Variants in KCNQ4 observed in about 807,000 individuals in gnomAD.
KCNQ4 encodes potassium voltage-gated channel subfamily Q member 4, also known as potassium voltage-gated channel subfamily KQT member 4.
Under a neutral mutation model 72.6 loss-of-function variants are expected in KCNQ4, and 31 were observed. That is an observed-to-expected ratio of 0.43 (90% CI 0.32 to 0.58). KCNQ4 has a LOEUF of 0.58. Among genes scored for constraint, KCNQ4 ranks in the 20% least tolerant of loss-of-function variants. The pLI is 0.08. For synonymous variants in KCNQ4, 405 were observed against 403.7 expected (o/e 1.00, Z -0.04); for missense variants, 869 against 962.6 (o/e 0.90, Z 1.29).
intron 3 of KCNQ4, 105 bp downstream of exon 3, chr1:40,818,395 C>A: frequency 6.4e-7 from 1 of 1,567,384 alleles, no homozygotes; most frequent in Non-Finnish European, 8.7e-7. Flanking sequence ...ACAGATTCAG[C>A]GGACCCTCCC....
At chr1:40,793,004 CTTTTTTTTTTT>C (rs10549805) in intron 1 of KCNQ4, among the ~76,000 whole-genome samples, 18 of 109,076 alleles carry the variant, frequency 1.7e-4, no homozygotes, top group Admixed American at 1.3e-3. Context: ...TTCTTTCTTT[CTTTTTTTTTTT>C]TTTTTTTTTG....
intron 9 of KCNQ4, 134 bp from the exon 10 acceptor site, chr1:40,830,950 C>A (rs1648623169): frequency 5.4e-6 from 4 of 739,386 alleles, no homozygotes; most frequent in Admixed American, 2.0e-5. Flanking sequence ...CTTGTTCCAT[C>A]CCAAGAAGTC....
Position 40,811,725 on chromosome 1 carries a change from C to T in KCNQ4, c.315-5540C>T, listed in dbSNP as rs113412614. Among the ~76,000 whole-genome samples, 83 of 152,322 alleles carry T rather than the reference C, an allele frequency of 5.4e-4. 1 individual carries two copies. The highest frequency in any genetic ancestry group is 3.4e-3 in the Middle Eastern group (1 of 294). ...GCTGGGGAGAGCCAGCCAGGCAACACCCGCCTGTCTCATTCTGCCTCCTGG... is the reference window on the plus strand; with the variant it reads ...GCTGGGGAGAGCCAGCCAGGCAACATCCGCCTGTCTCATTCTGCCTCCTGG... On this transcript the variant is annotated intron_variant, in intron 1 of 13. Coordinates refer to ENST00000347132, the MANE Select transcript of KCNQ4 (RefSeq NM_004700.4).
In KCNQ4 at chr1:40,794,628, G is replaced by A. The variant is rs1451368753; in HGVS notation, c.314+10221G>A. On this transcript the variant is annotated intron_variant, in intron 1 of 13. Coordinates refer to ENST00000347132, the MANE Select transcript of KCNQ4 (RefSeq NM_004700.4). This position sits in a 1 kb window ranked among gnomAD's most constrained non-coding sequence, Gnocchi z 4.2. Reference sequence around the variant, plus strand: ...CTGAGGAGAATAAGGACGGGGTGGCGACTCTTTCATAAAGCTAAATTTATT... The same window carrying A: ...CTGAGGAGAATAAGGACGGGGTGGCAACTCTTTCATAAAGCTAAATTTATT... 6.6e-6 allele frequency among the ~76,000 whole-genome samples: 1 copy of A among 152,170 alleles called. No homozygotes were observed. Among genetic ancestry groups the A allele is most frequent in the Non-Finnish European group, 1.5e-5 (1 of 68,038 alleles).
In KCNQ4 at chr1:40,813,255, G is replaced by A. The variant is rs191984520; in HGVS notation, c.315-4010G>A. 7.2e-5 allele frequency among the ~76,000 whole-genome samples: 11 copies of A among 152,292 alleles called. No homozygotes were observed. In the East Asian group the frequency reaches 9.6e-4, roughly 13 times the overall value. ...GTCCGACGAGAGTTTTGTGGAGAGC[G>A]ATGGTTTCCAGCTGTGCATTGTGGG... On this transcript the variant is annotated intron_variant, in intron 1 of 13. Coordinates refer to ENST00000347132, the MANE Select transcript of KCNQ4 (RefSeq NM_004700.4).
rs191990427 is a variant in KCNQ4 at position 40,829,275 on chromosome 1, C to G, written c.1293-1809C>G. On this transcript the variant is annotated intron_variant, in intron 9 of 13. Transcript: ENST00000347132. ...GAGGGTGCTTGCCAGCATGAGGGAG[C>G]CTGCAGGAATGGCTCTGCAGAGGAA... 1.1e-3 allele frequency among the ~76,000 whole-genome samples: 162 copies of G among 152,252 alleles called. 1 individual carries two copies. The highest frequency in any genetic ancestry group is 5.1e-4 in the Non-Finnish European group (35 of 68,016).
intron 1 of KCNQ4, among the ~76,000 whole-genome samples, chr1:40,801,502 T>A (rs1263404695): frequency 6.6e-6 from 1 of 152,182 alleles, no homozygotes; most frequent in South Asian, 2.1e-4. Context: ...ACTCAACATT[T>A]ATTGAGAACC....
At chr1:40,824,507 T>C (rs964423782) in intron 9 of KCNQ4, among the ~76,000 whole-genome samples, 6 of 152,168 alleles carry the variant, frequency 3.9e-5, no homozygotes, top group Non-Finnish European at 7.4e-5. Context: ...ATGCCATCCT[T>C]TCCCATCATC....
In KCNQ4 at chr1:40,794,361, G is replaced by A. The variant is rs750029191; in HGVS notation, c.314+9954G>A. Among the ~76,000 whole-genome samples the A allele has an allele frequency of 6.6e-6, 1 of 152,218 alleles. No individual in the cohort carries two copies. Among genetic ancestry groups the A allele is most frequent in the Non-Finnish European group, 1.5e-5 (1 of 68,034 alleles). On this transcript the variant is annotated intron_variant, in intron 1 of 13. Transcript: ENST00000347132. This position sits in a 1 kb window ranked among gnomAD's most constrained non-coding sequence, Gnocchi z 4.2. ...TTGACTCTTTCTGAGTGAGTGCTGT[G>A]CAGACGTGAGGTCATCTATTTTTTC...
intron 5 of KCNQ4, 36 bp downstream of exon 5, chr1:40,819,508 T>C (rs1348475772): frequency 6.2e-7 from 1 of 1,611,470 alleles, no homozygotes; most frequent in East Asian, 2.2e-5. Flanking sequence ...CCCTTCTCCC[T>C]GGGATCCTCC....
intron 1 of KCNQ4, among the ~76,000 whole-genome samples, chr1:40,812,691 C>T (rs1158714200): frequency 1.3e-5 from 2 of 152,096 alleles, no homozygotes; most frequent in Non-Finnish European, 2.9e-5. Context: ...GCAGCGTCCG[C>T]CAAATGGAGA....
intron 9 of KCNQ4, among the ~76,000 whole-genome samples, chr1:40,830,471 G>A (rs1446104937): frequency 6.6e-6 from 1 of 152,290 alleles, no homozygotes; most frequent in South Asian, 2.1e-4. Context: ...GTGGGGAGTG[G>A]AGGAAAATAT....
chr1:40,824,074 A>G (rs1648395952), intron 8 of KCNQ4, 23 bp from the exon 9 acceptor site: 1 of 1,549,770 alleles, frequency 6.5e-7, no homozygotes, highest in Non-Finnish European at 8.7e-7. Context: ...CCTGCCTGCC[A>G]CTGATGGTGC....
chr1:40,818,170 G>T lies in KCNQ4; in HGVS notation c.412G>T (p.Val138Leu). 3 of 1,614,020 alleles carry T rather than the reference G, an allele frequency of 1.9e-6. No homozygotes were observed. The highest frequency in any genetic ancestry group is 2.5e-6 in the Non-Finnish European group (3 of 1,180,034). Residue 138 changes from valine to leucine, a missense_variant, in exon 3 of 14, where the codon GTG becomes TTG. Around this residue, in one of 5 missense-constraint regions of KCNQ4, gnomAD observed 179 missense variants for 243.0 expected, o/e 0.74. Coordinates refer to ENST00000347132, the MANE Select transcript of KCNQ4 (RefSeq NM_004700.4). The stretch of plus-strand genomic sequence containing the variant: ...CAGGCCCCTGGTCCCACAGGAATTC[G>T]TGATGATCGTGGTTTTCGGCTTGGA... ...ANECLLILEF[V>L]MIVVFGLEYI...
chr1:40,805,441 C>G (rs1235485069), intron 1 of KCNQ4, among the ~76,000 whole-genome samples: 1 of 152,220 alleles, frequency 6.6e-6, no homozygotes, highest in Non-Finnish European at 1.5e-5. Context: ...CCACTCTCCC[C>G]TTGCTCATTC....
In KCNQ4 at chr1:40,833,107, C is replaced by G; in HGVS notation, c.1607C>G (p.Ser536Cys). ...IMPAVKTVIR[S>C]IRILKFLVAK... Reference sequence around the variant, plus strand: ...CCTGCTGTGAAGACAGTCATCCGCTCCATCAGGTAAGACTGAGGCCTGAGG... The same window carrying G: ...CCTGCTGTGAAGACAGTCATCCGCTGCATCAGGTAAGACTGAGGCCTGAGG... Residue 536 changes from serine (S) to cysteine (C), a missense_variant, in exon 11 of 14, where the codon TCC (serine) becomes TGC (cysteine). Ser to Cys is a moderately radical substitution (Grantham distance 112). Coordinates refer to ENST00000347132, the MANE Select transcript of KCNQ4 (RefSeq NM_004700.4). The G allele has an allele frequency of 1.9e-6, 3 of 1,610,638 alleles. No homozygotes were observed. The highest frequency in any genetic ancestry group is 2.5e-6 in the Non-Finnish European group (3 of 1,179,174).
chr1:40,801,223 TGAG>T (rs1264568479), intron 1 of KCNQ4, among the ~76,000 whole-genome samples: 1 of 151,310 alleles, frequency 6.6e-6, no homozygotes, highest in African/African-American at 2.4e-5. Flanking sequence ...GAATGGGACT[TGAG>T]GGGCTAGGAA....
chr1:40,803,514 G>C (rs1647646367), intron 1 of KCNQ4, among the ~76,000 whole-genome samples: 1 of 152,204 alleles, frequency 6.6e-6, no homozygotes, highest in South Asian at 2.1e-4. Context: ...GGGCCTGCAG[G>C]CTGGGCAGCC....
chr1:40,809,743 A>T (rs762240677), intron 1 of KCNQ4, among the ~76,000 whole-genome samples: 1 of 152,084 alleles, frequency 6.6e-6, no homozygotes, highest in Non-Finnish European at 1.5e-5. Context: ...CTGAGATGCA[A>T]ATTGGACTGT....
Sources: gnomAD v4.1 joint callset for allele counts (sites outside exome capture counted in the v4.1 genomes callset) on GRCh38, gnomAD v4.1.1 for gene constraint, gnomAD v4.1.1 regional missense constraint, Gnocchi (gnomAD v3.1) non-coding constraint, MANE v1.5 for transcripts, NCBI Gene and HGNC (gene_info 2026-07-23, HGNC 2026-07-21) for gene names.